TBC1D30: variants seen among roughly 807,000 people sequenced by gnomAD.
TBC1D30 encodes TBC1 domain family member 30.
In TBC1D30, 31 loss-of-function variants were observed where a neutral mutation model predicts 63.2. The observed-to-expected ratio is 0.49, with a 90% CI of 0.37 to 0.66. The LOEUF (loss-of-function observed/expected upper bound fraction) is 0.66. Among genes scored for constraint, TBC1D30 ranks in the 30% least tolerant of loss-of-function variants. The pLI is 0.00. For missense variants in TBC1D30, 810 were observed against 953.6 expected (o/e 0.85, Z 1.98); for synonymous variants, 307 against 361.5 (o/e 0.85, Z 1.71).
intron 11 of TBC1D30, 107 bp downstream of exon 11, chr12:64,870,915 C>A: frequency 9.6e-7 from 1 of 1,036,746 alleles, no homozygotes; most frequent in Non-Finnish European, 1.4e-6. Context: ...AGCTCAGTAT[C>A]CATCAACACA....
At chr12:64,823,068 G>T (rs901424887), upstream of TBC1D30, among the ~76,000 whole-genome samples, 2 of 151,870 alleles carry the variant, frequency 1.3e-5, no homozygotes, top group African/African-American at 4.8e-5. Flanking sequence ...GTTCATACTA[G>T]TGTTTCCCAT....
At chr12:64,869,508 A>G (rs1289337900) in intron 10 of TBC1D30, among the ~76,000 whole-genome samples, 1 of 151,954 alleles carries the variant, frequency 6.6e-6, no homozygotes, top group Admixed American at 6.6e-5. Context: ...AATGCCTTCT[A>G]CCCCCTTTCT....
chr12:64,873,909 G>A (rs1878847551), intron 11 of TBC1D30, among the ~76,000 whole-genome samples: 1 of 152,102 alleles, frequency 6.6e-6, no homozygotes, highest in Non-Finnish European at 1.5e-5. Flanking sequence ...AGATGACATG[G>A]ACATCAAGGA....
upstream of TBC1D30, among the ~76,000 whole-genome samples, chr12:64,820,156 C>G (rs1291996787): frequency 6.6e-6 from 1 of 152,160 alleles, no homozygotes; most frequent in Admixed American, 6.5e-5. Context: ...TAAGACTTTA[C>G]TGTTAAACAA....
At position 64,836,638 on chromosome 12, in the gene TBC1D30, C is replaced by G. The variant is rs1266936718; in HGVS notation, c.743C>G (p.Thr248Ser). ...CAGCACCTGGATACTCTTCAGAGAA[C>G]TGCAAACAAAGAAAGTGGAGGTAGG... is the stretch of plus-strand genomic sequence containing the variant. ...LSQHLDTLQR[T>S]ANKESGGGYE... The change falls in exon 6 of 12, where the codon ACT becomes AGT. Residue 248 changes from threonine (T) to serine (S), a missense_variant. Transcript: ENST00000539867. 1 of 1,534,650 alleles carries G rather than the reference C, an allele frequency of 6.5e-7. No homozygotes were observed. Among genetic ancestry groups the G allele is most frequent in the South Asian group, 1.2e-5 (1 of 83,938 alleles).
chr12:64,789,186 T>TC (rs1405673143), intron 2 of TBC1D30, among the ~76,000 whole-genome samples: 1 of 148,646 alleles, frequency 6.7e-6, no homozygotes, highest in African/African-American at 2.5e-5. Context: ...TTCTTCTTCT[T>TC]TTTTTTTTTT....
At chr12:64,770,864 C>T (rs972348919) in intron 1 of TBC1D30, among the ~76,000 whole-genome samples, 1 of 151,538 alleles carries the variant, frequency 6.6e-6, no homozygotes, top group Non-Finnish European at 1.5e-5. Flanking sequence ...CCACCACACC[C>T]AGCTAATTTT....
intron 6 of TBC1D30, 81 bp downstream of exon 6, chr12:64,836,739 GA>G: frequency 7.8e-7 from 1 of 1,277,968 alleles, no homozygotes; most frequent in East Asian, 2.6e-5. Flanking sequence ...ACATTGAATG[GA>G]AATATGTATT....
At position 64,878,718 on chromosome 12, in the gene TBC1D30, C is replaced by T. The variant is rs1267602313; in HGVS notation, c.*2930C>T. The T allele has an allele frequency of 1.4e-5, 5 of 364,876 alleles. No individual in the cohort carries two copies. The highest frequency in any genetic ancestry group is 2.7e-5 in the Non-Finnish European group (5 of 184,134). 22.6% of individuals were successfully genotyped at this position (364,876 alleles called of 1,614,324 possible). On this transcript the variant is annotated 3_prime_UTR_variant, in exon 12 of 12. Coordinates refer to ENST00000539867, the MANE Select transcript of TBC1D30 (RefSeq NM_015279.2). ...TCTTCCTTCTTCCTTCACCCCCAAC[C>T]CCAGACCCCCCTTGGTCACATGAAC...
chr12:64,830,077 A>G (rs1483249552), intron 3 of TBC1D30, among the ~76,000 whole-genome samples: 3 of 152,234 alleles, frequency 2.0e-5, no homozygotes, highest in Non-Finnish European at 1.5e-5. Context: ...GAACAGAAAT[A>G]CAATTTGAAA....
intron 8 of TBC1D30, among the ~76,000 whole-genome samples, chr12:64,859,914 A>AT (rs1313614667): frequency 6.6e-6 from 1 of 151,714 alleles, no homozygotes; most frequent in African/African-American, 2.4e-5. Context: ...GCCCATCTGG[A>AT]TGCCGCTCAA....
chr12:64,767,670 C>G (rs1008704745), intron 1 of TBC1D30, among the ~76,000 whole-genome samples: 1 of 151,522 alleles, frequency 6.6e-6, no homozygotes, highest in Non-Finnish European at 1.5e-5. Context: ...TCCAGACTGC[C>G]CAGGTATCCT....
At chr12:64,865,430 G>A (rs565720424) in intron 9 of TBC1D30, among the ~76,000 whole-genome samples, 1 of 151,792 alleles carries the variant, frequency 6.6e-6, no homozygotes, top group South Asian at 2.1e-4. Context: ...AATTTTCTGG[G>A]TGACCCAAAT....
chr12:64,762,649 T>TAA (rs1440149708), intron 1 of TBC1D30, among the ~76,000 whole-genome samples: 1 of 152,226 alleles, frequency 6.6e-6, no homozygotes, highest in East Asian at 1.9e-4. Flanking sequence ...TGCAAAAATT[T>TAA]AACGTAACAT....
chr12:64,867,089 A>G (rs1878284394), intron 10 of TBC1D30, among the ~76,000 whole-genome samples, 186 bp downstream of exon 10: 1 of 152,158 alleles, frequency 6.6e-6, no homozygotes, highest in Admixed American at 6.5e-5. Context: ...AGACAGCATG[A>G]TCATTTGAAG....
intron 2 of TBC1D30, among the ~76,000 whole-genome samples, chr12:64,799,415 C>A (rs537211179): frequency 1.3e-5 from 2 of 152,212 alleles, no homozygotes; most frequent in Non-Finnish European, 2.9e-5. Context: ...TTTACTACTA[C>A]TGCAATAATT....
At chr12:64,853,317 A>G (rs1877028615) in intron 8 of TBC1D30, among the ~76,000 whole-genome samples, 1 of 152,186 alleles carries the variant, frequency 6.6e-6, no homozygotes, top group South Asian at 2.1e-4. Context: ...CTCAAGCCTC[A>G]GTAATGGTGG....
exon 1 of TBC1D30, chr12:64,781,246 A>T (rs1592533662): frequency 8.6e-7 from 1 of 1,157,552 alleles, no homozygotes; most frequent in East Asian, 1.0e-4. Context: ...TGCAGGAGCG[A>T]CCGAGCCAGC....
chr12:64,790,478 T>G (rs1400389339), intron 2 of TBC1D30, among the ~76,000 whole-genome samples: 1 of 152,208 alleles, frequency 6.6e-6, no homozygotes, highest in African/African-American at 2.4e-5. Flanking sequence ...TAGTAAATGT[T>G]TAAGTTATGC....
Sources: allele counts gnomAD v4.1 joint callset (sites outside exome capture counted in the v4.1 genomes callset), GRCh38; gene constraint gnomAD v4.1.1; transcripts MANE v1.5; gene names NCBI Gene and HGNC (gene_info 2026-07-23, HGNC 2026-07-21).